Variants in PPP2R2C observed in about 807,000 individuals in gnomAD.
The protein encoded by PPP2R2C is protein phosphatase 2, regulatory subunit B, gamma.
Under a neutral mutation model 45.3 loss-of-function variants are expected in PPP2R2C, and 10 were observed. The observed-to-expected ratio is 0.22, with a 90% CI of 0.14 to 0.37. PPP2R2C has a LOEUF of 0.37. Ranked by LOEUF, PPP2R2C falls within the 10% of genes least tolerant of loss-of-function variation. The probability of loss-of-function intolerance (pLI) is 1.00; values close to 1 mark genes in which losing one functional copy is unlikely to be tolerated. For missense variants in PPP2R2C, 308 were observed against 619.7 expected (o/e 0.50, Z 5.34); for synonymous variants, 257 against 245.4 (o/e 1.05, Z -0.44).
intron 1 of PPP2R2C, among the ~76,000 whole-genome samples, chr4:6,430,052 T>G (rs1402374350): frequency 6.6e-6 from 1 of 152,148 alleles, no homozygotes; most frequent in Non-Finnish European, 1.5e-5. Flanking sequence ...ACCTGAAGCC[T>G]CACTAGTCCC....
At chr4:6,563,711 G>A (rs1230403726), upstream of PPP2R2C, 2 of 136,886 alleles carry the variant, frequency 1.5e-5, no homozygotes, top group African/African-American at 5.3e-5. This position sits in a 1 kb window ranked among gnomAD's most constrained non-coding sequence, Gnocchi z 5.8. Flanking sequence ...GGGGCGGGGG[G>A]CGGGGGCGCG....
intron 1 of PPP2R2C, among the ~76,000 whole-genome samples, chr4:6,430,560 A>T (rs895399703): frequency 6.6e-6 from 1 of 152,162 alleles, no homozygotes; most frequent in African/African-American, 2.4e-5. Flanking sequence ...GCACGAGGGG[A>T]AACATGTTGA....
chr4:6,384,028 A>G, intron 1 of PPP2R2C: 1 of 985,546 alleles, frequency 1.0e-6, no homozygotes, highest in Non-Finnish European at 1.2e-6. Context: ...GAACTTAAAA[A>G]GACAAGATAA....
At chr4:6,369,758 G>A (rs539011727) in intron 5 of PPP2R2C, among the ~76,000 whole-genome samples, 26 of 152,262 alleles carry the variant, frequency 1.7e-4, no homozygotes, top group South Asian at 6.2e-4. Flanking sequence ...GGCCCCCACA[G>A]CAGCTTGTCC....
rs972899806 is a variant in PPP2R2C, at chr4:6,369,478, C to T, written c.625+3045G>A. On this transcript the variant is annotated intron_variant, in intron 5 of 8. Transcript: ENST00000382599. Reference sequence around the variant, plus strand: ...CTTCGGCAAAAATAAAGCAACTTGACTTAAAGAAAACAATTTTTTTTAAAT... The same window carrying T: ...CTTCGGCAAAAATAAAGCAACTTGATTTAAAGAAAACAATTTTTTTTAAAT... Among the ~76,000 whole-genome samples, 3 of 152,220 alleles carry T rather than the reference C, an allele frequency of 2.0e-5. 1 individual carries two copies. The highest frequency in any genetic ancestry group is 6.5e-5 in the Admixed American group (1 of 15,282).
In PPP2R2C at chr4:6,329,701, C is replaced by T. The variant is rs370591839; in HGVS notation, c.961-348G>A. Among the ~76,000 whole-genome samples, 7 of 152,054 alleles carry T rather than the reference C, an allele frequency of 4.6e-5. No individual in the cohort carries two copies. Among genetic ancestry groups the T allele is most frequent in the Admixed American group, 6.5e-5 (1 of 15,288 alleles). ...TATCGGGGGCCCACGACCAGGCACA[C>T]GGCTGACCTCTGAGCTGTGGCCAGA... On this transcript the variant is annotated intron_variant, in intron 7 of 8. Transcript: ENST00000382599. The surrounding 1 kb of genome is among the most constrained non-coding windows in gnomAD (Gnocchi z 5.8).
chr4:6,383,493 C>T, intron 1 of PPP2R2C: 2 of 1,188,996 alleles, frequency 1.7e-6, no homozygotes, highest in Non-Finnish European at 2.2e-6. Context: ...GTCCTGGCCA[C>T]CTGCTGTCCC....
rs1326582871 is a variant in PPP2R2C at position 6,518,920 on chromosome 4, CTTAAAAAAAAAAAAAAA to C, written c.49+16334_49+16350del. Among the ~76,000 whole-genome samples the C allele has an allele frequency of 2.4e-4, 7 of 28,724 alleles. No individual in the cohort carries two copies. In the South Asian group the frequency reaches 5.3e-3, roughly 22 times the overall value. The allele number at this position is 28,724 out of a possible 152,430, so 18.8% of individuals were successfully genotyped here. ...CCTGGGCAACAGAGCAAGACTCTGT[CTTAAAAAAAAAAAAAAA>C]AAAAAAAAAAAAAAAAGAATAGAAA... On this transcript the variant is annotated intron_variant, in intron 2 of 9. Coordinates refer to the PPP2R2C transcript ENST00000506140.
At chr4:6,357,065 G>A (rs1391002963) in intron 5 of PPP2R2C, among the ~76,000 whole-genome samples, 1 of 149,904 alleles carries the variant, frequency 6.7e-6, no homozygotes, top group African/African-American at 2.5e-5. Flanking sequence ...GGACAGCGAG[G>A]TGCTGGGCAG....
intron 2 of PPP2R2C, among the ~76,000 whole-genome samples, chr4:6,505,713 C>T (rs1723204576): frequency 6.6e-6 from 1 of 152,180 alleles, no homozygotes; most frequent in Admixed American, 6.5e-5. Context: ...CGCCTGTCAT[C>T]CCACCACTTT....
In PPP2R2C at chr4:6,323,210, A is replaced by C; in HGVS notation, c.*92T>G. On this transcript the variant is annotated 3_prime_UTR_variant, in exon 9 of 9. Coordinates refer to ENST00000382599, the MANE Select transcript of PPP2R2C (RefSeq NM_020416.4). Reference sequence around the variant, plus strand: ...TGCAGCTGTCCTCATCAGTGCTGTGACTTTCTTCCCCTCCTTGCATTGCGG... The same window carrying C: ...TGCAGCTGTCCTCATCAGTGCTGTGCCTTTCTTCCCCTCCTTGCATTGCGG... The C allele has an allele frequency of 6.9e-7, 1 of 1,449,404 alleles. No individual in the cohort carries two copies. The highest frequency in any genetic ancestry group is 9.4e-7 in the Non-Finnish European group (1 of 1,068,894). 89.8% of individuals were successfully genotyped at this position (1,449,404 alleles called of 1,614,324 possible).
intron 1 of PPP2R2C, among the ~76,000 whole-genome samples, chr4:6,464,141 C>T (rs1258258569): frequency 2.0e-5 from 3 of 152,184 alleles, no homozygotes; most frequent in Non-Finnish European, 2.9e-5. Flanking sequence ...AACATCAGGT[C>T]TGGGGCATCT....
chr4:6,503,924 C>T lies in PPP2R2C; in HGVS notation c.49+31347G>A, dbSNP rs184380006. 6.7e-3 allele frequency among the ~76,000 whole-genome samples: 1,004 copies of T among 150,338 alleles called. 7 individuals are homozygous for T. Among genetic ancestry groups the T allele is most frequent in the African/African-American group, 0.023 (946 of 41,414 alleles). On this transcript the variant is annotated intron_variant, in intron 2 of 9. Transcript: ENST00000506140. ...CTGGACAAAATATAAAAAGTAACCA[C>T]CTAAGGCACCTAAGGGCAATCAAAA...
At chr4:6,459,689 A>G (rs1721222063) in intron 1 of PPP2R2C, among the ~76,000 whole-genome samples, 1 of 152,212 alleles carries the variant, frequency 6.6e-6, no homozygotes, top group African/African-American at 2.4e-5. Context: ...TGGGAGACTG[A>G]GAGACAAGAA....
rs1458926851 is a variant in PPP2R2C at position 6,345,811 on chromosome 4, C to T, written c.790+2035G>A. Among the ~76,000 whole-genome samples, 2 of 152,154 alleles carry T rather than the reference C, an allele frequency of 1.3e-5. No individual in the cohort carries two copies. The highest frequency in any genetic ancestry group is 2.9e-5 in the Non-Finnish European group (2 of 68,022). On this transcript the variant is annotated intron_variant, in intron 6 of 8. Transcript: ENST00000382599. This position sits in a 1 kb window ranked among gnomAD's most constrained non-coding sequence, Gnocchi z 5.3. ...GCGCACAGGACGCAGCCCCGAGCCC[C>T]CTGCACCCCGGGAATCTCAGCTGGT...
At chr4:6,529,450 G>A (rs547784708) in intron 2 of PPP2R2C, among the ~76,000 whole-genome samples, 3 of 152,342 alleles carry the variant, frequency 2.0e-5, no homozygotes, top group African/African-American at 7.2e-5. Context: ...TGGGCCCCAT[G>A]GAACGTATCA....
chr4:6,509,523 G>A (rs1466841814), intron 2 of PPP2R2C, among the ~76,000 whole-genome samples: 1 of 152,142 alleles, frequency 6.6e-6, no homozygotes, highest in Non-Finnish European at 1.5e-5. Context: ...TTACACCAGG[G>A]GAAATGGTGT....
At chr4:6,552,252 T>C (rs981852999) in intron 1 of PPP2R2C, among the ~76,000 whole-genome samples, 36 of 152,158 alleles carry the variant, frequency 2.4e-4, no homozygotes, top group African/African-American at 8.4e-4. Flanking sequence ...TCCACAACCA[T>C]AGTGGCTTAG....
chr4:6,438,886 C>A (rs1226411023), intron 1 of PPP2R2C, among the ~76,000 whole-genome samples: 1 of 152,162 alleles, frequency 6.6e-6, no homozygotes, highest in African/African-American at 2.4e-5. Context: ...TGAGTGGTAT[C>A]CAGGTGTTCC....
Sources: gnomAD v4.1 joint callset for allele counts (sites outside exome capture counted in the v4.1 genomes callset) on GRCh38, gnomAD v4.1.1 for gene constraint, Gnocchi (gnomAD v3.1) non-coding constraint, MANE v1.5 for transcripts, NCBI Gene and HGNC (gene_info 2026-07-23, HGNC 2026-07-21) for gene names.